Variants in LUZP1 observed in about 807,000 individuals in gnomAD.
LUZP1 encodes the protein filamin mechanobinding actin cross-linking protein.
A neutral mutation model predicts 71.3 loss-of-function variants in LUZP1; 25 were observed. The observed-to-expected ratio is 0.35, with a 90% confidence interval of 0.26 to 0.49. The LOEUF (loss-of-function observed/expected upper bound fraction) is 0.49, where lower values mean the gene tolerates loss of function less well. Among genes scored for constraint, LUZP1 ranks in the 20% least tolerant of loss-of-function variants. The probability of loss-of-function intolerance (pLI) is 0.99; values close to 1 mark genes in which losing one functional copy is unlikely to be tolerated. For synonymous variants in LUZP1, 481 were observed against 506.4 expected, an observed-to-expected ratio of 0.95 and a Z score of 0.67; for missense variants, 1,142 against 1,300.8, an observed-to-expected ratio of 0.88 and a Z score of 1.88.
chr1:23,111,542 C>G (rs1156280733), intron 2 of LUZP1, among the ~76,000 whole-genome samples: 1 of 152,154 alleles, frequency 6.6e-6, no homozygotes, highest in South Asian at 2.1e-4. Flanking sequence ...GCTTAGATGA[C>G]AGAGTGACGC....
intron 2 of LUZP1, among the ~76,000 whole-genome samples, chr1:23,121,161 C>G (rs560517168): frequency 1.3e-5 from 2 of 152,226 alleles, no homozygotes; most frequent in Non-Finnish European, 2.9e-5. Context: ...CAATGGGGAG[C>G]TGTAAACCCT....
At chr1:23,091,129 G>GA (rs1643844840) in intron 4 of LUZP1, 61 bp downstream of exon 3, 2 of 1,492,536 alleles carry the variant, frequency 1.3e-6, no homozygotes, top group Non-Finnish European at 1.8e-6. Flanking sequence ...GGGGAAAAAG[G>GA]AAAAGGCAAA....
intron 3 of LUZP1, among the ~76,000 whole-genome samples, chr1:23,095,523 G>C (rs1027969481): frequency 6.6e-6 from 1 of 152,156 alleles, no homozygotes; most frequent in Non-Finnish European, 1.5e-5. Context: ...GGGTCTTGCC[G>C]ATCTCCAGAA....
At chr1:23,141,938 G>A (rs562189932) in intron 2 of LUZP1, among the ~76,000 whole-genome samples, 19 of 151,580 alleles carry the variant, frequency 1.3e-4, no homozygotes, top group East Asian at 1.2e-3. Context: ...TCCGCCTCCC[G>A]GGTTCAAGCA....
intron 2 of LUZP1, among the ~76,000 whole-genome samples, chr1:23,138,923 G>T (rs1473909590): frequency 6.9e-6 from 1 of 144,844 alleles, no homozygotes; most frequent in Non-Finnish European, 1.5e-5. Context: ...GCTTGAACCC[G>T]GGAGGTGGAG....
intron 2 of LUZP1, among the ~76,000 whole-genome samples, chr1:23,160,441 T>C (rs1244694427): frequency 1.3e-5 from 2 of 152,230 alleles, no homozygotes; most frequent in African/African-American, 4.8e-5. Flanking sequence ...GAACTCTGCA[T>C]AGTTAATTCT....
intron 2 of LUZP1, among the ~76,000 whole-genome samples, chr1:23,167,368 TCCCCAAAAGGCAG>T (rs1644517508): frequency 1.3e-5 from 2 of 151,806 alleles, no homozygotes; most frequent in South Asian, 4.2e-4. Flanking sequence ...CCTCAAAACA[TCCCCAAAAGGCAG>T]GGAGGTCCAG....
At chr1:23,177,631 C>G (rs571595560) in exon 1 of LUZP1, 2 of 152,470 alleles carry the variant, frequency 1.3e-5, no homozygotes, top group African/African-American at 4.8e-5. Flanking sequence ...CTCTCCCCTC[C>G]TGCGCCAGTG....
chr1:23,092,127 C>T, exon 4 of LUZP1: 1 of 1,614,180 alleles, frequency 6.2e-7, no homozygotes. Context: ...ATTCTCCATT[C>T]CAGCATCTTT....
Position 23,139,968 on chromosome 1 carries a change from G to T in LUZP1, c.-226+28798C>A, listed in dbSNP as rs72657856. On this transcript the variant is annotated intron_variant, in intron 2 of 4. Coordinates refer to ENST00000302291, the Ensembl canonical transcript of LUZP1. ...CTGTCTCAAGAAAAAAAAAAAAAAT[G>T]TGTTAACTGTTTATGTTATTGGTCA... 3.7e-3 allele frequency among the ~76,000 whole-genome samples: 552 copies of T among 150,442 alleles called. 4 individuals are homozygous for T. Among genetic ancestry groups the T allele is most frequent in the Non-Finnish European group, 5.7e-3 (388 of 67,610 alleles).
At chr1:23,139,840 C>T (rs933390710) in intron 2 of LUZP1, among the ~76,000 whole-genome samples, 3 of 151,678 alleles carry the variant, frequency 2.0e-5, no homozygotes, top group Non-Finnish European at 4.4e-5. Flanking sequence ...GACCCAACTA[C>T]TTAGGAGGCT....
chr1:23,131,970 G>A (rs1291437430), intron 2 of LUZP1, among the ~76,000 whole-genome samples: 2 of 152,172 alleles, frequency 1.3e-5, no homozygotes, highest in African/African-American at 4.8e-5. Context: ...ACAAGCATGA[G>A]CCACTGCGCC....
chr1:23,154,476 G>A (rs1644406347), intron 2 of LUZP1, among the ~76,000 whole-genome samples: 1 of 152,170 alleles, frequency 6.6e-6, no homozygotes, highest in Non-Finnish European at 1.5e-5. Flanking sequence ...GGAGATCAAG[G>A]CTGCAGTGAG....
At chr1:23,118,500 T>C (rs765159841) in intron 2 of LUZP1, among the ~76,000 whole-genome samples, 2 of 152,230 alleles carry the variant, frequency 1.3e-5, no homozygotes, top group Non-Finnish European at 2.9e-5. Flanking sequence ...TCCAACTTAC[T>C]AGAATAGTTT....
intron 1 of LUZP1, among the ~76,000 whole-genome samples, chr1:23,177,081 G>T (rs995997625): frequency 1.3e-5 from 2 of 151,548 alleles, no homozygotes; most frequent in African/African-American, 2.4e-5. Context: ...GATGGGGGGG[G>T]GGTCTCACTA....
chr1:23,168,630 C>A, intron 2 of LUZP1, 136 bp downstream of exon 1: 1 of 150,916 alleles, frequency 6.6e-6, no homozygotes, highest in Non-Finnish European at 1.5e-5. Flanking sequence ...CACCCCATCT[C>A]TCCTCGGCTG....
At chr1:23,166,256 G>C (rs892700717) in intron 2 of LUZP1, among the ~76,000 whole-genome samples, 3 of 152,128 alleles carry the variant, frequency 2.0e-5, no homozygotes, top group African/African-American at 7.2e-5. Flanking sequence ...CCACAGACCT[G>C]AGAAACAGAC....
chr1:23,112,537 T>C (rs142075118), intron 2 of LUZP1, among the ~76,000 whole-genome samples: 64 of 152,288 alleles, frequency 4.2e-4, no homozygotes, highest in African/African-American at 1.3e-3. Flanking sequence ...ACTTTGATAA[T>C]AGATAAAAAT....
chr1:23,108,145 C>T (rs1243918105), intron 3 of LUZP1, among the ~76,000 whole-genome samples: 1 of 152,200 alleles, frequency 6.6e-6, no homozygotes, highest in African/African-American at 2.4e-5. Flanking sequence ...TCTCCTCTGC[C>T]TTAGCCAACA....
Sources: gnomAD v4.1 joint callset for allele counts (sites outside exome capture counted in the v4.1 genomes callset) on GRCh38, gnomAD v4.1.1 for gene constraint, MANE v1.5 for transcripts, NCBI Gene and HGNC (gene_info 2026-07-23, HGNC 2026-07-21) for gene names.